Variants in ALDH1A3 observed in about 807,000 individuals in gnomAD.
The protein encoded by ALDH1A3 is aldehyde dehydrogenase 1 family member A3, also known as retinaldehyde dehydrogenase 3.
ALDH1A3 carries 28 observed loss-of-function variants against 57.5 expected under a neutral mutation model. The ratio of observed to expected loss-of-function variants is 0.49; its 90% CI spans 0.36 to 0.67. The LOEUF (loss-of-function observed/expected upper bound fraction) is 0.67. Ranked by LOEUF, ALDH1A3 falls within the 30% of genes least tolerant of loss-of-function variation. The probability of loss-of-function intolerance (pLI) is 0.00; values close to 1 mark genes in which losing one functional copy is unlikely to be tolerated. For synonymous variants in ALDH1A3, 281 were observed against 264.8 expected (o/e 1.06, Z -0.59); for missense variants, 507 against 669.4 (o/e 0.76, Z 2.68).
intron 2 of ALDH1A3, among the ~76,000 whole-genome samples, chr15:100,886,383 C>A (rs115726214): frequency 2.0e-5 from 3 of 152,176 alleles, no homozygotes; most frequent in African/African-American, 7.2e-5. Flanking sequence ...GAGAACGAGA[C>A]CCTTGCCCTG....
chr15:100,909,939 TGTA>T (rs1259266851), intron 12 of ALDH1A3, among the ~76,000 whole-genome samples: 4 of 152,258 alleles, frequency 2.6e-5, no homozygotes, highest in Admixed American at 6.5e-5. Context: ...TATATACAAA[TGTA>T]GTCCCTTGTT....
rs2041632090 is a variant in ALDH1A3, at chr15:100,889,870, C to T, written c.345+2158C>T. On this transcript the variant is annotated intron_variant, in intron 3 of 12. Transcript: ENST00000329841. The surrounding 1 kb of genome is among the most constrained non-coding windows in gnomAD (Gnocchi z 5.1). ...ATGAAAGGGACAAGAGAATTACTGG[C>T]AAACACGGTTTTTAAAACTCCAACC... Among the ~76,000 whole-genome samples, 1 of 152,216 alleles carries T rather than the reference C, an allele frequency of 6.6e-6. No homozygotes were observed. The highest frequency in any genetic ancestry group is 6.5e-5 in the Admixed American group (1 of 15,286).
rs1028065100 is a variant in ALDH1A3, at chr15:100,916,084, G to C, written c.*1311G>C. ...AGTGCTTAAGTTTGCAAATTAAGTT[G>C]GGGAGGGCAATAATAAAATGAGGGC... is the stretch of plus-strand genomic sequence containing the variant. On this transcript the variant is annotated 3_prime_UTR_variant, in exon 13 of 13. Transcript: ENST00000329841. 1.3e-5 allele frequency: 2 copies of C among 152,162 alleles called. No individual in the cohort carries two copies. 9.4% of individuals were successfully genotyped at this position (152,162 alleles called of 1,614,324 possible). A position where few individuals can be genotyped will look rare whatever the true frequency, so the allele number is the denominator to read the frequency against.
intron 1 of ALDH1A3, among the ~76,000 whole-genome samples, chr15:100,882,729 C>T (rs2041557720): frequency 6.6e-6 from 1 of 152,208 alleles, no homozygotes; most frequent in Non-Finnish European, 1.5e-5. Context: ...TTGTTGTATG[C>T]TAATCCACAA....
chr15:100,901,190 T>A (rs989629811), intron 9 of ALDH1A3, among the ~76,000 whole-genome samples: 5 of 152,130 alleles, frequency 3.3e-5, no homozygotes, highest in African/African-American at 1.2e-4. Context: ...GGAGAGAGCC[T>A]GGGGCAGGAG....
chr15:100,898,834 G>A (rs139117044), intron 8 of ALDH1A3, among the ~76,000 whole-genome samples: 1 of 152,328 alleles, frequency 6.6e-6, no homozygotes, highest in Non-Finnish European at 1.5e-5. Context: ...TGGCTGCCAT[G>A]TCCACAAGAG....
intron 9 of ALDH1A3, among the ~76,000 whole-genome samples, chr15:100,902,960 G>C (rs1043269141): frequency 1.1e-4 from 17 of 152,258 alleles, no homozygotes; most frequent in Admixed American, 1.1e-3. Context: ...GGGAGGGGAA[G>C]AGCAGCTCAG....
intron 9 of ALDH1A3, among the ~76,000 whole-genome samples, chr15:100,903,656 CT>C (rs1413877810): frequency 1.3e-5 from 2 of 152,220 alleles, no homozygotes; most frequent in African/African-American, 4.8e-5. Context: ...AGAAGTTTGT[CT>C]GTTTCTTTAC....
chr15:100,898,026 C>T, intron 7 of ALDH1A3, 57 bp from the exon 8 acceptor site: 1 of 1,541,516 alleles, frequency 6.5e-7, no homozygotes, highest in Non-Finnish European at 9.0e-7. Flanking sequence ...GATGTTTACG[C>T]CTGGGCCAAG....
Position 100,887,491 on chromosome 15 carries a change from T to G in ALDH1A3, c.205-81T>G. ...TCACCTCAAAAGATGACACCCAAAC[T>G]TCAGTCACGTCAAAAGATGACACCC... is the stretch of plus-strand genomic sequence containing the variant. On this transcript the variant is annotated intron_variant, in intron 2 of 12. Transcript: ENST00000329841. This position sits in a 1 kb window ranked among gnomAD's most constrained non-coding sequence, Gnocchi z 4.6. 2 of 1,436,414 alleles carry G rather than the reference T, an allele frequency of 1.4e-6. No individual in the cohort carries two copies. Among genetic ancestry groups the G allele is most frequent in the East Asian group, 2.6e-5 (1 of 38,716 alleles). The allele number at this position is 1,436,414 out of a possible 1,614,324, so 89.0% of individuals were successfully genotyped here. A position where few individuals can be genotyped will look rare whatever the true frequency, so the allele number is the denominator to read the frequency against.
At chr15:100,890,607 T>C (rs552756484) in intron 3 of ALDH1A3, among the ~76,000 whole-genome samples, 14 of 152,298 alleles carry the variant, frequency 9.2e-5, no homozygotes, top group Non-Finnish European at 1.6e-4. Context: ...ATTATCTCAT[T>C]TCAGAGATGA....
intron 6 of ALDH1A3, chr15:100,895,167 A>T (rs184895514): frequency 6.6e-6 from 1 of 152,190 alleles, no homozygotes; most frequent in Non-Finnish European, 1.5e-5. Flanking sequence ...GGGTCTGATT[A>T]AAAAATGAAA....
At chr15:100,914,605 C>A in intron 12 of ALDH1A3, 96 bp from the exon 13 acceptor site, 1 of 1,208,724 alleles carries the variant, frequency 8.3e-7, no homozygotes, top group Non-Finnish European at 1.2e-6. Context: ...CATAAGCCTC[C>A]AACGGCCTGA....
chr15:100,900,749 A>G lies in ALDH1A3; in HGVS notation c.1058A>G (p.Gln353Arg), dbSNP rs772750332. ...VGDPFDVKTE[Q>R]GPQIDQKQFD... is the part of the protein sequence containing the mutation. Reference sequence around the variant, plus strand: ...GACCCCTTCGATGTCAAAACAGAACAGGGGCCTCAGGTAATCCCCCTGGTG... The same window carrying G: ...GACCCCTTCGATGTCAAAACAGAACGGGGGCCTCAGGTAATCCCCCTGGTG... Residue 353 changes from glutamine (Q) to arginine (R), a missense_variant, in exon 9 of 13, where the codon CAG (glutamine) becomes CGG (arginine). Gln to Arg is a conservative substitution (Grantham distance 43, BLOSUM62 1). Coordinates refer to ENST00000329841, the MANE Select transcript of ALDH1A3 (RefSeq NM_000693.4). The G allele has an allele frequency of 6.2e-7, 1 of 1,613,910 alleles. No homozygotes were observed. Among genetic ancestry groups the G allele is most frequent in the Admixed American group, 1.7e-5 (1 of 60,002 alleles).
intron 1 of ALDH1A3, among the ~76,000 whole-genome samples, chr15:100,884,275 A>G (rs2041572827): frequency 6.6e-6 from 1 of 152,222 alleles, no homozygotes; most frequent in East Asian, 1.9e-4. Context: ...TTTTAATATG[A>G]CATTAATAAG....
At position 100,893,883 on chromosome 15, in the gene ALDH1A3, G is replaced by A. The variant is rs1300249074; in HGVS notation, c.538-71G>A. ...TGAAAAGCAAGTGTCCTCCACAAAGGCATCGTTGAGCACATGGGACAGGGT... is the reference window on the plus strand; with the variant it reads ...TGAAAAGCAAGTGTCCTCCACAAAGACATCGTTGAGCACATGGGACAGGGT... On this transcript the variant is annotated intron_variant, in intron 5 of 12. Coordinates refer to ENST00000329841, the MANE Select transcript of ALDH1A3 (RefSeq NM_000693.4). The surrounding 1 kb of genome is among the most constrained non-coding windows in gnomAD (Gnocchi z 4.8). 6.4e-7 allele frequency: 1 copy of A among 1,554,268 alleles called. No homozygotes were observed. Among genetic ancestry groups the A allele is most frequent in the East Asian group, 2.3e-5 (1 of 44,346 alleles).
chr15:100,895,694 G>A (rs908194263), intron 6 of ALDH1A3: 5 of 559,076 alleles, frequency 8.9e-6, no homozygotes, highest in Non-Finnish European at 1.6e-5. Context: ...TCCCCCCCCA[G>A]AAGGAGAAGT....
chr15:100,910,248 C>T (rs2041869892), intron 12 of ALDH1A3, among the ~76,000 whole-genome samples: 1 of 152,260 alleles, frequency 6.6e-6, no homozygotes, highest in African/African-American at 2.4e-5. Flanking sequence ...GCTGGCTTCG[C>T]CTTCAGCGGA....
At position 100,893,551 on chromosome 15, in the gene ALDH1A3, A is replaced by G. The variant is rs2041672736; in HGVS notation, c.538-403A>G. On this transcript the variant is annotated intron_variant, in intron 5 of 12. Transcript: ENST00000329841. This position sits in a 1 kb window ranked among gnomAD's most constrained non-coding sequence, Gnocchi z 4.8. ...CGGTGGGGATGCTTATAGGTGCCCA[A>G]GAAGTGCAACAATGCTGCCTGTCTG... 1 of 179,338 alleles carries G rather than the reference A, an allele frequency of 5.6e-6. No homozygotes were observed. Among genetic ancestry groups the G allele is most frequent in the African/African-American group, 2.4e-5 (1 of 42,492 alleles). The allele number at this position is 179,338 out of a possible 1,614,324, so 11.1% of individuals were successfully genotyped here. A position where few individuals can be genotyped will look rare whatever the true frequency, so the allele number is the denominator to read the frequency against.
Sources: allele counts gnomAD v4.1 joint callset (sites outside exome capture counted in the v4.1 genomes callset), GRCh38; gene constraint gnomAD v4.1.1; non-coding constraint Gnocchi (gnomAD v3.1); transcripts MANE v1.5; gene names NCBI Gene and HGNC (gene_info 2026-07-23, HGNC 2026-07-21).